Variants in CACNB2 observed in about 807,000 individuals in gnomAD.
CACNB2 encodes the protein voltage-dependent L-type calcium channel subunit beta-2.
A neutral mutation model predicts 73.3 loss-of-function variants in CACNB2; 42 were observed. That is an observed-to-expected ratio of 0.57 (90% CI 0.45 to 0.74). The LOEUF is 0.74. CACNB2 is among the 30% of genes least tolerant of loss of function. CACNB2 has a pLI of 0.00. For missense variants in CACNB2, 940 were observed against 853.0 expected (o/e 1.10, Z -1.27); for synonymous variants, 348 against 310.3 (o/e 1.12, Z -1.28).
Position 18,241,976 on chromosome 10 carries a change from G to T in CACNB2, c.213+91001G>T, listed in dbSNP as rs137882009. Among the ~76,000 whole-genome samples, 872 of 151,904 alleles carry T rather than the reference G, an allele frequency of 5.7e-3. 12 individuals carry two copies. The highest frequency in any genetic ancestry group is 0.019 in the African/African-American group (807 of 41,440). ...CAAATAACAATAACTATTCAATTAC[G>T]TATATAGTCAACCACCAATTTTATA... On this transcript the variant is annotated intron_variant, in intron 2 of 13. Coordinates refer to ENST00000324631, the MANE Select transcript of CACNB2 (RefSeq NM_201596.3).
chr10:18,220,383 C>T (rs1297125540), intron 2 of CACNB2, among the ~76,000 whole-genome samples: 4 of 148,674 alleles, frequency 2.7e-5, no homozygotes, highest in Non-Finnish European at 6.0e-5. Flanking sequence ...TCTCAGCCTC[C>T]CAAGTAGCTA....
chr10:18,262,426 G>T (rs2037594040), intron 2 of CACNB2, among the ~76,000 whole-genome samples: 1 of 152,108 alleles, frequency 6.6e-6, no homozygotes. Flanking sequence ...AAAGGTTTTT[G>T]CAGTTGTTAC....
intron 2 of CACNB2, among the ~76,000 whole-genome samples, chr10:18,193,253 T>C (rs1363218395): frequency 8.5e-6 from 1 of 118,130 alleles, no homozygotes; most frequent in African/African-American, 3.4e-5. Flanking sequence ...TGTGTAACTT[T>C]TTGAGAAAGT....
At chr10:18,423,136 T>G (rs554462671) in intron 3 of CACNB2, among the ~76,000 whole-genome samples, 1 of 41,898 alleles carries the variant, frequency 2.4e-5, no homozygotes, top group South Asian at 1.1e-3. Flanking sequence ...TCTTTATCCT[T>G]TATCTTACCT....
chr10:18,469,043 T>G (rs1290011813), intron 3 of CACNB2, among the ~76,000 whole-genome samples: 3 of 152,042 alleles, frequency 2.0e-5, no homozygotes, highest in Non-Finnish European at 4.4e-5. Flanking sequence ...GACCCAGGAG[T>G]GCAAAAGCAG....
chr10:18,510,295 C>T (rs12764916), intron 6 of CACNB2, among the ~76,000 whole-genome samples: 59,187 of 151,934 alleles, frequency 0.39, 11,742 homozygotes, highest in East Asian at 0.52. Flanking sequence ...AAGATGTATA[C>T]GTTTCCACTC....
intron 2 of CACNB2, among the ~76,000 whole-genome samples, chr10:18,264,283 G>C (rs1191430297): frequency 6.6e-6 from 1 of 152,156 alleles, no homozygotes; most frequent in Non-Finnish European, 1.5e-5. Flanking sequence ...GGAAAATTGG[G>C]TATCCATCCC....
intron 2 of CACNB2, among the ~76,000 whole-genome samples, chr10:18,265,468 A>G (rs2037754145): frequency 6.6e-6 from 1 of 152,060 alleles, no homozygotes; most frequent in Non-Finnish European, 1.5e-5. Flanking sequence ...CTGTTCAAGT[A>G]TCTTGCTTCT....
At chr10:18,411,960 A>C (rs1012175121) in intron 3 of CACNB2, among the ~76,000 whole-genome samples, 1 of 152,296 alleles carries the variant, frequency 6.6e-6, no homozygotes, top group Non-Finnish European at 1.5e-5. Context: ...CATTTTATTT[A>C]GGTTACACTT....
intron 6 of CACNB2, among the ~76,000 whole-genome samples, chr10:18,511,234 T>C (rs989802337): frequency 9.2e-5 from 14 of 152,194 alleles, no homozygotes; most frequent in Non-Finnish European, 1.3e-4. Context: ...TACCTTTTTT[T>C]TGATAGAAAA....
At chr10:18,340,121 G>A (rs2041170757) in intron 2 of CACNB2, among the ~76,000 whole-genome samples, 2 of 152,088 alleles carry the variant, frequency 1.3e-5, no homozygotes, top group Admixed American at 1.3e-4. Context: ...TTTTGGTTGT[G>A]AGCCTTTTGA....
intron 2 of CACNB2, among the ~76,000 whole-genome samples, chr10:18,348,374 C>T (rs1452504719): frequency 1.3e-5 from 2 of 152,118 alleles, no homozygotes; most frequent in Non-Finnish European, 2.9e-5. Flanking sequence ...AATTAAGATA[C>T]ATATGTTTGG....
intron 2 of CACNB2, among the ~76,000 whole-genome samples, chr10:18,323,834 G>A (rs74622949): frequency 0.012 from 1,838 of 152,294 alleles, 53 homozygotes; most frequent in African/African-American, 0.04. Context: ...TAAGTAGTGA[G>A]CTTCTTTCAG....
At chr10:18,336,053 T>C (rs980062945) in intron 2 of CACNB2, among the ~76,000 whole-genome samples, 3 of 152,178 alleles carry the variant, frequency 2.0e-5, no homozygotes, top group Non-Finnish European at 4.4e-5. Flanking sequence ...AATATGCCAT[T>C]GTCAGAAGAG....
Position 18,442,908 on chromosome 10 carries a change from CAA to C in CACNB2, c.333+40866_333+40867del, listed in dbSNP as rs1491211026. Among the ~76,000 whole-genome samples, 314 of 91,960 alleles carry C rather than the reference CAA, an allele frequency of 3.4e-3. 29 individuals are homozygous for C. The highest frequency in any genetic ancestry group is 0.015 in the African/African-American group (306 of 20,130). The allele number at this position is 91,960 out of a possible 152,430, so 60.3% of individuals were successfully genotyped here. On this transcript the variant is annotated intron_variant, in intron 3 of 13. Coordinates refer to ENST00000324631, the MANE Select transcript of CACNB2 (RefSeq NM_201596.3). ...ATGTTGTTGGGTCTACATGTAAAAACAATATATATATATATATGTATATATAT... is the reference window on the plus strand; with the variant it reads ...ATGTTGTTGGGTCTACATGTAAAAACTATATATATATATATGTATATATAT...
Position 18,542,219 on chromosome 10 carries a change from A to G in CACNB2, c.*2495A>G, listed in dbSNP as rs2054098527. The G allele has an allele frequency of 6.6e-6, 1 of 152,138 alleles. No individual in the cohort carries two copies. Among genetic ancestry groups the G allele is most frequent in the African/African-American group, 2.4e-5 (1 of 41,434 alleles). 9.4% of individuals were successfully genotyped at this position (152,138 alleles called of 1,614,324 possible). A position where few individuals can be genotyped will look rare whatever the true frequency, so the allele number is the denominator to read the frequency against. ...GAAAATAAAAATTAGTTACATATAT[A>G]ATGTTTTATCAGCTTATATATGAAA... On this transcript the variant is annotated 3_prime_UTR_variant, in exon 14 of 14. Transcript: ENST00000324631.
At chr10:18,147,210 C>A (rs946841564) in intron 1 of CACNB2, among the ~76,000 whole-genome samples, 1 of 152,158 alleles carries the variant, frequency 6.6e-6, no homozygotes, top group Admixed American at 6.5e-5. Context: ...TACTTCGTGT[C>A]AAGGAAGATG....
At chr10:18,337,716 T>G (rs1487204918) in intron 2 of CACNB2, among the ~76,000 whole-genome samples, 1 of 152,190 alleles carries the variant, frequency 6.6e-6, no homozygotes, top group Non-Finnish European at 1.5e-5. Flanking sequence ...GATTTGGCAT[T>G]CATTATTTTC....
At chr10:18,220,232 T>TATAGAGAGAG (rs1488872721) in intron 2 of CACNB2, among the ~76,000 whole-genome samples, 7 of 25,096 alleles carry the variant, frequency 2.8e-4, no homozygotes, top group Non-Finnish European at 2.5e-4. Context: ...TATATATATA[T>TATAGAGAGAG]AGAGAGAGAG....
Sources: gnomAD v4.1 joint callset for allele counts (sites outside exome capture counted in the v4.1 genomes callset) on GRCh38, gnomAD v4.1.1 for gene constraint, MANE v1.5 for transcripts, NCBI Gene and HGNC (gene_info 2026-07-23, HGNC 2026-07-21) for gene names.